Variants in CCDC102B observed in about 807,000 individuals in gnomAD.
CCDC102B encodes the protein coiled-coil domain containing 102B.
A neutral mutation model predicts 57.4 loss-of-function variants in CCDC102B; 75 were observed. The observed-to-expected ratio is 1.31, with a 90% CI of 1.08 to 1.58. CCDC102B has a LOEUF of 1.58. Among genes scored for constraint, CCDC102B ranks in the 40% most tolerant of loss-of-function variants. The pLI is 0.00. For missense variants in CCDC102B, 636 were observed against 582.6 expected, an observed-to-expected ratio of 1.09 and a Z score of -0.94; for synonymous variants, 206 against 201.9, an observed-to-expected ratio of 1.02 and a Z score of -0.17.
rs530014015 is a variant in CCDC102B, at chr18:68,784,977, C to G, written c.-66-38389C>G. Among the ~76,000 whole-genome samples the G allele has an allele frequency of 5.3e-4, 62 of 116,656 alleles. No individual in the cohort carries two copies. The East Asian group carries it at 0.018, about 34-fold the overall frequency. The allele number at this position is 116,656 out of a possible 152,430, so 76.5% of individuals were successfully genotyped here. The stretch of plus-strand genomic sequence containing the variant: ...TATCTCCCAATGCTATCCCTCCCCC[C>G]TCCCCCCACCCCACAACAGTCCCCA... On this transcript the variant is annotated intron_variant, in intron 2 of 3. Coordinates refer to the CCDC102B transcript ENST00000578970.
chr18:68,794,535 C>T (rs912344996), upstream of CCDC102B, among the ~76,000 whole-genome samples: 4 of 151,994 alleles, frequency 2.6e-5, no homozygotes, highest in African/African-American at 4.8e-5. Context: ...TCAGAACCCA[C>T]AGGGTGGATG....
chr18:68,874,194 GTGTGTGTGTGTGTGTGTGTA>G (rs907485657), intron 4 of CCDC102B, among the ~76,000 whole-genome samples: 3 of 132,090 alleles, frequency 2.3e-5, no homozygotes, highest in East Asian at 5.3e-4. Context: ...GTGTGTGTGT[GTGTGTGTGTGTGTGTGTGTA>G]TATATATATA....
At chr18:68,763,243 A>G (rs532717588) in intron 2 of CCDC102B, among the ~76,000 whole-genome samples, 2 of 152,186 alleles carry the variant, frequency 1.3e-5, no homozygotes, top group East Asian at 1.9e-4. Flanking sequence ...ACACAACTGT[A>G]TTGACAGTTG....
At chr18:69,028,055 G>T (rs2052039952) in intron 7 of CCDC102B, among the ~76,000 whole-genome samples, 1 of 152,106 alleles carries the variant, frequency 6.6e-6, no homozygotes, top group Non-Finnish European at 1.5e-5. Context: ...ATGAATGTAT[G>T]GTCTCTAGTT....
At chr18:68,944,332 A>C (rs772558359) in intron 6 of CCDC102B, among the ~76,000 whole-genome samples, 1 of 152,166 alleles carries the variant, frequency 6.6e-6, no homozygotes, top group African/African-American at 2.4e-5. Context: ...ACAATGTCAT[A>C]GCACATTTAA....
chr18:68,978,832 A>C (rs1452799721), intron 6 of CCDC102B, among the ~76,000 whole-genome samples: 1 of 152,074 alleles, frequency 6.6e-6, no homozygotes. Flanking sequence ...AAACAGCATA[A>C]ACATTTATAA....
At position 68,819,699 on chromosome 18, in the gene CCDC102B, CACAA is replaced by C. The variant is rs984217915; in HGVS notation, c.-15-17046_-15-17043del. On this transcript the variant is annotated intron_variant, in intron 1 of 7. Coordinates refer to ENST00000360242, the MANE Select transcript of CCDC102B (RefSeq NM_024781.3). ...CCTCACAATTTTGAGCTTTCTAGTC[CACAA>C]ACAGACATAATATATTCCTTCACTT... 2.6e-5 allele frequency among the ~76,000 whole-genome samples: 4 copies of C among 151,936 alleles called. No individual in the cohort carries two copies. In the East Asian group the frequency reaches 7.7e-4, roughly 29 times the overall value.
intron 2 of CCDC102B, chr18:68,838,499 T>G: frequency 1.0e-6 from 1 of 985,334 alleles, no homozygotes; most frequent in Non-Finnish European, 1.2e-6. Flanking sequence ...AAATGTATTT[T>G]TTTTATGAGA....
chr18:68,981,443 G>A (rs537482703), intron 6 of CCDC102B, among the ~76,000 whole-genome samples: 9 of 152,110 alleles, frequency 5.9e-5, no homozygotes, highest in African/African-American at 2.2e-4. Flanking sequence ...ATAACTATTG[G>A]CTTGGGAATG....
At chr18:68,951,002 T>C (rs1261338900) in intron 6 of CCDC102B, among the ~76,000 whole-genome samples, 1 of 152,118 alleles carries the variant, frequency 6.6e-6, no homozygotes, top group Non-Finnish European at 1.5e-5. Context: ...TAAATATATA[T>C]GGGACAGAGT....
chr18:68,978,611 T>A (rs2145283868), intron 6 of CCDC102B, among the ~76,000 whole-genome samples: 1 of 152,082 alleles, frequency 6.6e-6, no homozygotes, highest in East Asian at 1.9e-4. Context: ...TTCCCCCAAA[T>A]AAAATTTCAA....
At chr18:68,867,389 T>C (rs1480856872) in intron 4 of CCDC102B, among the ~76,000 whole-genome samples, 3 of 152,172 alleles carry the variant, frequency 2.0e-5, no homozygotes, top group South Asian at 2.1e-4. Flanking sequence ...TCTCTCCATA[T>C]TGGGCTCTGA....
chr18:68,930,609 C>T (rs1268752973), intron 6 of CCDC102B, among the ~76,000 whole-genome samples: 1 of 151,852 alleles, frequency 6.6e-6, no homozygotes, highest in Non-Finnish European at 1.5e-5. Flanking sequence ...TCTGCTCTAT[C>T]TCTGTTGGGG....
At chr18:68,835,574 A>T (rs570002456) in intron 1 of CCDC102B, among the ~76,000 whole-genome samples, 1 of 152,350 alleles carries the variant, frequency 6.6e-6, no homozygotes, top group East Asian at 1.9e-4. Flanking sequence ...AAATTAATTC[A>T]TGTAGAAGTT....
chr18:68,983,517 C>T (rs1378408553), intron 6 of CCDC102B, among the ~76,000 whole-genome samples: 2 of 151,940 alleles, frequency 1.3e-5, no homozygotes. Flanking sequence ...CACTATTTTA[C>T]TAGCCAGTGA....
chr18:68,839,302 A>C (rs2037520245), intron 3 of CCDC102B, among the ~76,000 whole-genome samples: 1 of 152,160 alleles, frequency 6.6e-6, no homozygotes, highest in Non-Finnish European at 1.5e-5. Context: ...ATAGTGGAAA[A>C]ATCACAATTT....
At chr18:68,717,907 AT>A (rs1396426108) in intron 2 of CCDC102B, 1 of 152,188 alleles carries the variant, frequency 6.6e-6, no homozygotes, top group Non-Finnish European at 1.5e-5. Flanking sequence ...TTTGGGCATG[AT>A]TTAGTCATGA....
chr18:68,988,185 G>A (rs1367280373), intron 6 of CCDC102B, among the ~76,000 whole-genome samples: 5 of 151,904 alleles, frequency 3.3e-5, no homozygotes, highest in African/African-American at 7.3e-5. Flanking sequence ...AATGTGGTAC[G>A]TATACATCAT....
intron 6 of CCDC102B, among the ~76,000 whole-genome samples, chr18:68,903,516 A>G (rs765786972): frequency 6.6e-6 from 1 of 152,198 alleles, no homozygotes; most frequent in African/African-American, 2.4e-5. Flanking sequence ...TATATGATCT[A>G]TGGCATAAAT....
Sources: allele counts gnomAD v4.1 joint callset (sites outside exome capture counted in the v4.1 genomes callset), GRCh38; gene constraint gnomAD v4.1.1; transcripts MANE v1.5; gene names NCBI Gene and HGNC (gene_info 2026-07-23, HGNC 2026-07-21).